The following GASK1B variants were observed in gnomAD, a reference collection of about 807,000 sequenced individuals.
GASK1B encodes Golgi-associated kinase 1B.
A neutral mutation model predicts 42.8 loss-of-function variants in GASK1B; 34 were observed. The ratio of observed to expected loss-of-function variants is 0.79; its 90% confidence interval spans 0.60 to 1.06. The LOEUF (loss-of-function observed/expected upper bound fraction) is 1.06. Among genes scored for constraint, GASK1B ranks in the 50% least tolerant of loss-of-function variants. The pLI, the probability that GASK1B is intolerant of heterozygous loss-of-function variation, is 0.00. For synonymous variants in GASK1B, 262 were observed against 259.1 expected (o/e 1.01, Z -0.11); for missense variants, 686 against 661.0 (o/e 1.04, Z -0.42).
At chr4:158,155,390 T>A (rs1731717776) in intron 3 of GASK1B, among the ~76,000 whole-genome samples, 1 of 152,198 alleles carries the variant, frequency 6.6e-6, no homozygotes, top group Admixed American at 6.5e-5. Context: ...TCTTTAAGTC[T>A]GATAAGAAAC....
At chr4:158,154,457 C>T (rs1731681531) in intron 3 of GASK1B, among the ~76,000 whole-genome samples, 1 of 151,958 alleles carries the variant, frequency 6.6e-6, no homozygotes, top group Non-Finnish European at 1.5e-5. Context: ...GTGAAGATTC[C>T]TTAAAGAACT....
In GASK1B at chr4:158,171,062, T is replaced by C. The variant is rs1322230255; in HGVS notation, c.314A>G (p.Asn105Ser). The change falls in exon 2 of 5, where the codon AAT becomes AGT. Residue 105 changes from asparagine (N) to serine (S), a missense_variant. Transcript: ENST00000585682. Reference sequence around the variant, plus strand: ...GGAGCGTAGGGTAATGTACACCACATTGGGCTGCAGAGTGGACCCATTGCC... The same window carrying C: ...GGAGCGTAGGGTAATGTACACCACACTGGGCTGCAGAGTGGACCCATTGCC... ...SQGNGSTLQP[N>S]VVYITLRSKR... 2.5e-6 allele frequency: 4 copies of C among 1,612,450 alleles called. No homozygotes were observed. Among genetic ancestry groups the C allele is most frequent in the Admixed American group, 1.7e-5 (1 of 59,946 alleles).
intron 3 of GASK1B, 131 bp downstream of exon 3, chr4:158,155,480 C>G (rs1270289972): frequency 6.3e-6 from 5 of 797,968 alleles, no homozygotes; most frequent in Non-Finnish European, 9.9e-6. Flanking sequence ...ACCACAATTA[C>G]TTTTGCACCA....
At chr4:158,153,144 A>G (rs1016871828) in intron 3 of GASK1B, among the ~76,000 whole-genome samples, 6 of 152,236 alleles carry the variant, frequency 3.9e-5, no homozygotes, top group Non-Finnish European at 5.9e-5. Flanking sequence ...AAATGACTTC[A>G]GTAAAGCTTC....
At chr4:158,146,586 G>A (rs1034119654) in intron 3 of GASK1B, among the ~76,000 whole-genome samples, 2 of 152,028 alleles carry the variant, frequency 1.3e-5, no homozygotes, top group African/African-American at 4.8e-5. Context: ...TACAGATGAG[G>A]ACACCAATGC....
chr4:158,155,968 G>T (rs1399940938), intron 2 of GASK1B, 143 bp from the exon 3 acceptor site: 14 of 674,098 alleles, frequency 2.1e-5, no homozygotes, highest in Non-Finnish European at 3.3e-5. Context: ...TGATCTCTTT[G>T]TCTTCTGGTT....
At chr4:158,133,528 G>A (rs1730764723) in intron 3 of GASK1B, among the ~76,000 whole-genome samples, 1 of 152,122 alleles carries the variant, frequency 6.6e-6, no homozygotes, top group African/African-American at 2.4e-5. Flanking sequence ...ATATATTTAT[G>A]TTAAATAATA....
intron 3 of GASK1B, among the ~76,000 whole-genome samples, chr4:158,136,532 A>G (rs1730899353): frequency 1.3e-5 from 2 of 152,202 alleles, no homozygotes; most frequent in Admixed American, 1.3e-4. Context: ...CTTGACAGCT[A>G]AAAACAGGGT....
At chr4:158,150,658 C>A (rs1439223592) in intron 3 of GASK1B, among the ~76,000 whole-genome samples, 1 of 152,140 alleles carries the variant, frequency 6.6e-6, no homozygotes, top group East Asian at 1.9e-4. Flanking sequence ...GAGCTTCAGT[C>A]CTACCTATAA....
intron 2 of GASK1B, among the ~76,000 whole-genome samples, chr4:158,157,944 C>T (rs1022478389): frequency 2.0e-5 from 3 of 152,024 alleles, no homozygotes; most frequent in African/African-American, 7.2e-5. Context: ...CCTCATCTCC[C>T]AGTAATTGGT....
chr4:158,169,226 T>C (rs1732355541), intron 2 of GASK1B: 2 of 152,226 alleles, frequency 1.3e-5, no homozygotes, highest in African/African-American at 4.8e-5. Flanking sequence ...TAAAAATTCA[T>C]TTTTATCAAC....
chr4:158,160,223 C>T (rs192989435), intron 2 of GASK1B, among the ~76,000 whole-genome samples: 4 of 152,192 alleles, frequency 2.6e-5, no homozygotes, highest in South Asian at 2.1e-4. Context: ...CTGTCAACAA[C>T]GCATTGAAGG....
intron 3 of GASK1B, among the ~76,000 whole-genome samples, chr4:158,149,608 T>C (rs1253111550): frequency 6.6e-6 from 1 of 152,090 alleles, no homozygotes; most frequent in Non-Finnish European, 1.5e-5. Context: ...CATTCTCAGG[T>C]ACTTCAGTAT....
At chr4:158,154,647 A>G (rs1225877846) in intron 3 of GASK1B, among the ~76,000 whole-genome samples, 1 of 152,222 alleles carries the variant, frequency 6.6e-6, no homozygotes, top group African/African-American at 2.4e-5. Context: ...AAAATGTGGT[A>G]TATATATACC....
chr4:158,127,211 A>G lies in GASK1B; in HGVS notation c.*196T>C. On this transcript the variant is annotated 3_prime_UTR_variant, in exon 5 of 5. Transcript: ENST00000585682. ...AAATATAAACAAATATTTCTCAAGT[A>G]GTTTGTTTTTCAAAACCTTTTTAAG... The G allele has an allele frequency of 2.3e-6, 1 of 429,518 alleles. No individual in the cohort carries two copies. The highest frequency in any genetic ancestry group is 4.1e-6 in the Non-Finnish European group (1 of 242,520). The allele number at this position is 429,518 out of a possible 1,614,324, so 26.6% of individuals were successfully genotyped here.
chr4:158,134,803 G>T (rs1016579683), intron 3 of GASK1B, among the ~76,000 whole-genome samples: 20 of 151,954 alleles, frequency 1.3e-4, no homozygotes, highest in African/African-American at 4.3e-4. Context: ...TTCGACTTAT[G>T]CTTGCAGCAC....
chr4:158,164,418 C>T (rs1732147484), intron 2 of GASK1B, among the ~76,000 whole-genome samples: 1 of 152,100 alleles, frequency 6.6e-6, no homozygotes, highest in African/African-American at 2.4e-5. Flanking sequence ...TGCCCGGTTC[C>T]CCGTTTGCCT....
chr4:158,138,380 T>C (rs1423495420), intron 3 of GASK1B, among the ~76,000 whole-genome samples: 1 of 152,220 alleles, frequency 6.6e-6, no homozygotes, highest in Admixed American at 6.5e-5. Context: ...TTGCATTTTA[T>C]GAAATTCTGA....
chr4:158,130,890 G>A lies in GASK1B; in HGVS notation c.1248C>T (p.Ile416=). ...AATGCCTTGGGTCATGCTTTCGCTG[G>A]ATAATGTGTGCTAGAGCCGCAGAAC... ...DQGSAALAHI[I]QRKHDPRHLV... is the part of the protein sequence containing the mutation. Residue 416 remains isoleucine, a synonymous_variant, in exon 4 of 5, where the codon ATC becomes ATT. Coordinates refer to ENST00000585682, the MANE Select transcript of GASK1B (RefSeq NM_001128424.2). The A allele has an allele frequency of 1.2e-6, 2 of 1,614,070 alleles. No homozygotes were observed. The highest frequency in any genetic ancestry group is 2.2e-5 in the East Asian group (1 of 44,876).
Sources: allele counts gnomAD v4.1 joint callset (sites outside exome capture counted in the v4.1 genomes callset), GRCh38; gene constraint gnomAD v4.1.1; transcripts MANE v1.5; gene names NCBI Gene and HGNC (gene_info 2026-07-23, HGNC 2026-07-21).